Variants in FRY observed in about 807,000 individuals in gnomAD.
FRY encodes FRY microtubule binding protein.
A neutral mutation model predicts 348.4 loss-of-function variants in FRY; 128 were observed. The observed-to-expected ratio is 0.37, with a 90% confidence interval of 0.32 to 0.43. FRY has a LOEUF of 0.43. Ranked by LOEUF, FRY falls within the 20% of genes least tolerant of loss-of-function variation. The pLI is 1.00. For synonymous variants in FRY, 1,370 were observed against 1,374.7 expected, an observed-to-expected ratio of 1.00 and a Z score of 0.08; for missense variants, 2,736 against 3,695.2, an observed-to-expected ratio of 0.74 and a Z score of 6.73.
rs778485529 is a variant in FRY, at chr13:32,124,815, G to A, written c.656G>A (p.Gly219Asp). ...CTTAGGTACCTTGGTCCCAACACTGGCAATATGCATATTGTGGCAGACCTG... is the reference window on the plus strand; with the variant it reads ...CTTAGGTACCTTGGTCCCAACACTGACAATATGCATATTGTGGCAGACCTG... The part of the protein sequence containing the change: ...YKEGYLGPNT[G>D]NMHIVADLYA... Residue 219 changes from glycine to aspartate, a missense_variant, in exon 7 of 61, where the codon GGC becomes GAC. Coordinates refer to ENST00000542859, the MANE Select transcript of FRY (RefSeq NM_023037.3). 6.2e-7 allele frequency: 1 copy of A among 1,612,458 alleles called. No individual in the cohort carries two copies. The highest frequency in any genetic ancestry group is 8.5e-7 in the Non-Finnish European group (1 of 1,178,450).
intron 55 of FRY, among the ~76,000 whole-genome samples, chr13:32,271,501 A>C (rs1194399139): frequency 6.6e-6 from 1 of 152,188 alleles, no homozygotes; most frequent in Non-Finnish European, 1.5e-5. Flanking sequence ...CCCGCCACAG[A>C]GACTGGATCC....
In FRY at chr13:32,184,612, C is replaced by T; in HGVS notation, c.3067C>T (p.Arg1023Ter). ...TCTTTCTACACAGAACAAGAAACGCCGAGAACGGCGAGACTTGTTAAGGCT... is the reference window on the plus strand; with the variant it reads ...TCTTTCTACACAGAACAAGAAACGCTGAGAACGGCGAGACTTGTTAAGGCT... ...LERRPENKKR[R>*]ERRDLLRLQL... is the part of the protein sequence containing the mutation. Residue 1023 changes from arginine (R) to a stop codon, truncating the protein, a stop_gained, in exon 25 of 61, where the codon CGA (arginine) becomes TGA (stop). Transcript: ENST00000542859. LOFTEE classifies it high-confidence loss of function. 2 of 1,611,874 alleles carry T rather than the reference C, an allele frequency of 1.2e-6. No individual in the cohort carries two copies. The highest frequency in any genetic ancestry group is 1.7e-6 in the Non-Finnish European group (2 of 1,177,944).
chr13:32,212,224 T>C (rs752869169), intron 34 of FRY, 68 bp from the exon 35 acceptor site: 11 of 854,398 alleles, frequency 1.3e-5, no homozygotes, highest in Non-Finnish European at 2.2e-5. Context: ...TGGAATTACT[T>C]GAGACTTGAG....
intron 41 of FRY, among the ~76,000 whole-genome samples, chr13:32,231,834 G>A (rs1373099147): frequency 1.3e-5 from 2 of 152,128 alleles, no homozygotes; most frequent in African/African-American, 4.8e-5. Context: ...GGTCCAAGTT[G>A]GCCTGGGCTG....
chr13:32,158,088 A>G (rs1881217965), intron 16 of FRY, among the ~76,000 whole-genome samples: 1 of 152,260 alleles, frequency 6.6e-6, no homozygotes, highest in Admixed American at 6.5e-5. Context: ...AACTGCAAAT[A>G]TAAGAATTAA....
intron 51 of FRY, among the ~76,000 whole-genome samples, chr13:32,258,586 C>G (rs1284873014): frequency 6.6e-6 from 1 of 150,666 alleles, no homozygotes; most frequent in Non-Finnish European, 1.5e-5. Flanking sequence ...GCACTCCAGC[C>G]TGGGTAACAG....
chr13:32,255,367 A>G (rs1887279149), intron 51 of FRY, among the ~76,000 whole-genome samples: 1 of 152,196 alleles, frequency 6.6e-6, no homozygotes, highest in Non-Finnish European at 1.5e-5. Flanking sequence ...GTGGGAAATG[A>G]TGCTTCAAGT....
At chr13:32,220,368 G>A (rs1850226359) in intron 36 of FRY, among the ~76,000 whole-genome samples, 1 of 152,216 alleles carries the variant, frequency 6.6e-6, no homozygotes. Context: ...ATGCTCTAAT[G>A]TAGGTTAAGT....
At chr13:32,121,582 T>C (rs990761739) in intron 4 of FRY, among the ~76,000 whole-genome samples, 3 of 152,224 alleles carry the variant, frequency 2.0e-5, no homozygotes, top group South Asian at 2.1e-4. Context: ...TATGTCTTCT[T>C]CTGAGAATTG....
intron 17 of FRY, among the ~76,000 whole-genome samples, chr13:32,167,156 AC>A (rs1166238508): frequency 6.6e-6 from 1 of 152,234 alleles, no homozygotes; most frequent in Non-Finnish European, 1.5e-5. Flanking sequence ...ATGAAAATAG[AC>A]CATGACATGG....
intron 21 of FRY, 32 bp from the exon 22 acceptor site, chr13:32,178,812 T>A: frequency 6.8e-7 from 1 of 1,472,240 alleles, no homozygotes; most frequent in Non-Finnish European, 9.5e-7. Flanking sequence ...CAGAACTTAG[T>A]TTCACTCTTG....
intron 30 of FRY, 69 bp downstream of exon 30, chr13:32,202,109 A>G: frequency 4.0e-6 from 4 of 989,552 alleles, no homozygotes; most frequent in Non-Finnish European, 6.5e-6. Flanking sequence ...GTAGTTGATT[A>G]CCTAATAGCT....
At chr13:32,166,376 G>C (rs1881734738) in intron 17 of FRY, among the ~76,000 whole-genome samples, 1 of 152,140 alleles carries the variant, frequency 6.6e-6, no homozygotes, top group Admixed American at 6.6e-5. Flanking sequence ...AGATGGCCCA[G>C]CTGGGGGAAC....
Position 32,182,960 on chromosome 13 carries a change from A to T in FRY, c.2997-17A>T, listed in dbSNP as rs370028130. On this transcript the variant is annotated splice_polypyrimidine_tract_variant and intron_variant, in intron 23 of 60. Coordinates refer to ENST00000542859, the MANE Select transcript of FRY (RefSeq NM_023037.3). The stretch of plus-strand genomic sequence containing the variant: ...TCAAAAACAATGAATTTCAAATTTG[A>T]CCTTTTTCCTCCACAGAGAATTGGT... 2.1e-5 allele frequency: 32 copies of T among 1,557,800 alleles called. No homozygotes were observed. The highest frequency in any genetic ancestry group is 6.7e-5 in the Admixed American group (4 of 59,680).
chr13:32,250,720 T>C (rs1179043100), intron 49 of FRY, among the ~76,000 whole-genome samples: 1 of 152,132 alleles, frequency 6.6e-6, no homozygotes, highest in African/African-American at 2.4e-5. Flanking sequence ...AAGGACAAAG[T>C]GGGTGCCCAG....
At chr13:32,048,972 G>A (rs1168672952) in intron 1 of FRY, among the ~76,000 whole-genome samples, 1 of 152,132 alleles carries the variant, frequency 6.6e-6, no homozygotes, top group Non-Finnish European at 1.5e-5. Flanking sequence ...AGTACACAGT[G>A]ATTCAGCAGG....
intron 35 of FRY, among the ~76,000 whole-genome samples, chr13:32,217,948 C>T (rs117203208): frequency 2.0e-5 from 3 of 152,250 alleles, no homozygotes; most frequent in Non-Finnish European, 4.4e-5. Context: ...CATTACTCCC[C>T]AACTAGGACC....
intron 2 of FRY, among the ~76,000 whole-genome samples, chr13:32,097,295 G>T (rs1475999266): frequency 1.3e-5 from 2 of 150,914 alleles, no homozygotes; most frequent in Non-Finnish European, 2.9e-5. Flanking sequence ...CCATATAGAT[G>T]TATTCCCATG....
chr13:32,055,364 C>T (rs757907098), intron 1 of FRY, among the ~76,000 whole-genome samples: 5 of 152,114 alleles, frequency 3.3e-5, no homozygotes, highest in Non-Finnish European at 7.3e-5. Context: ...CTATTTTAAA[C>T]CCTCCTATGG....
Sources: gnomAD v4.1 joint callset for allele counts (sites outside exome capture counted in the v4.1 genomes callset) on GRCh38, gnomAD v4.1.1 for gene constraint, MANE v1.5 for transcripts, NCBI Gene and HGNC (gene_info 2026-07-23, HGNC 2026-07-21) for gene names.